Variants in USP34 observed in about 807,000 individuals in gnomAD.
The protein encoded by USP34 is ubiquitin specific peptidase 34, also known as ubiquitin carboxyl-terminal hydrolase 34.
Under a neutral mutation model 460.3 loss-of-function variants are expected in USP34, and 70 were observed. The ratio of observed to expected loss-of-function variants is 0.15; its 90% CI spans 0.13 to 0.19. USP34 has a LOEUF of 0.19. Ranked by LOEUF, USP34 falls within the 10% of genes least tolerant of loss-of-function variation. The probability of loss-of-function intolerance (pLI) is 1.00; values close to 1 mark genes in which losing one functional copy is unlikely to be tolerated. For missense variants in USP34, 3,985 were observed against 4,236.2 expected (o/e 0.94, Z 1.65); for synonymous variants, 1,647 against 1,405.3 (o/e 1.17, Z -3.85).
rs190610369 is a variant in USP34, at chr2:61,460,125, T to G, written c.43+10525A>C. Among the ~76,000 whole-genome samples, 3 of 152,272 alleles carry G rather than the reference T, an allele frequency of 2.0e-5. No homozygotes were observed. In the East Asian group the frequency reaches 5.8e-4, roughly 29 times the overall value. The stretch of plus-strand genomic sequence containing the variant: ...TTTTGAGCACCCACATATTACTTAG[T>G]TTCCAAGCTTATTAAGAAATTACAA... On this transcript the variant is annotated intron_variant, in intron 1 of 79. Coordinates refer to ENST00000398571, the MANE Select transcript of USP34 (RefSeq NM_014709.4).
rs1428351180 is a variant in USP34 at position 61,293,698 on chromosome 2, AAAT to A, written c.4462-151_4462-149del. 3.4e-5 allele frequency: 20 copies of A among 596,074 alleles called. No individual in the cohort carries two copies. In the Admixed American group the frequency reaches 5.6e-4, roughly 17 times the overall value. 36.9% of individuals were successfully genotyped at this position (596,074 alleles called of 1,614,324 possible). A position where few individuals can be genotyped will look rare whatever the true frequency, so the allele number is the denominator to read the frequency against. ...AAATTACCAAAATAATTTCTAGACA[AAAT>A]AATAAGATAAAGGCTACTTTCAAGA... On this transcript the variant is annotated intron_variant, in intron 32 of 79. Coordinates refer to ENST00000398571, the MANE Select transcript of USP34 (RefSeq NM_014709.4).
chr2:61,442,406 C>CAAAAAAAAAAAA (rs70963430), intron 1 of USP34, among the ~76,000 whole-genome samples: 1 of 121,442 alleles, frequency 8.2e-6, no homozygotes, highest in Non-Finnish European at 1.7e-5. Context: ...ATCTTAACAG[C>CAAAAAAAAAAAA]AAAAAAAAAA....
intron 15 of USP34, 96 bp downstream of exon 15, chr2:61,347,774 A>C: frequency 6.6e-7 from 1 of 1,517,184 alleles, no homozygotes; most frequent in Non-Finnish European, 8.8e-7. Flanking sequence ...CTACTAATGA[A>C]TAGCACTAAT....
chr2:61,194,381 G>T (rs555272715), intron 75 of USP34, among the ~76,000 whole-genome samples: 1 of 152,176 alleles, frequency 6.6e-6, no homozygotes, highest in African/African-American at 2.4e-5. Context: ...GAGTTCCTAC[G>T]TTCCCATGTT....
chr2:61,436,782 T>G (rs1027377239), intron 1 of USP34, among the ~76,000 whole-genome samples: 2 of 152,170 alleles, frequency 1.3e-5, no homozygotes, highest in African/African-American at 4.8e-5. Flanking sequence ...TGACCATATT[T>G]TAGGACATAA....
At chr2:61,289,082 G>T (rs926233079) in intron 33 of USP34, among the ~76,000 whole-genome samples, 2 of 151,706 alleles carry the variant, frequency 1.3e-5, no homozygotes, top group Non-Finnish European at 2.9e-5. Flanking sequence ...AAATAAAGAG[G>T]GTATACAAGA....
chr2:61,430,945 T>C (rs115000425), intron 1 of USP34, among the ~76,000 whole-genome samples: 447 of 152,070 alleles, frequency 2.9e-3, no homozygotes, highest in Non-Finnish European at 4.5e-3. Flanking sequence ...TTGAGGCTCA[T>C]AGTGAGCTAT....
At chr2:61,227,269 T>C in intron 61 of USP34, 51 bp from the exon 62 acceptor site, 1 of 1,549,010 alleles carries the variant, frequency 6.5e-7, no homozygotes, top group Admixed American at 2.0e-5. Flanking sequence ...TTAATATCAT[T>C]TTGAGAACAA....
At chr2:61,257,496 A>T (rs1013670335) in intron 44 of USP34, 146 bp from the exon 45 acceptor site, 2 of 565,050 alleles carry the variant, frequency 3.5e-6, no homozygotes, top group Non-Finnish European at 5.5e-6. Context: ...CTTTCTGTTT[A>T]GTTTTCATAG....
chr2:61,470,557 C>A (rs1695924644), intron 1 of USP34, 93 bp downstream of exon 1: 2 of 875,546 alleles, frequency 2.3e-6, no homozygotes, highest in East Asian at 3.2e-5. Flanking sequence ...CCGGCCGTCG[C>A]CTCCCGCAGG....
intron 35 of USP34, among the ~76,000 whole-genome samples, chr2:61,284,378 G>C (rs923619062): frequency 3.3e-5 from 5 of 152,088 alleles, no homozygotes; most frequent in African/African-American, 1.2e-4. Context: ...TATCATGAGA[G>C]AAAGGCTGAG....
At chr2:61,416,466 T>C (rs976182152) in intron 2 of USP34, among the ~76,000 whole-genome samples, 1 of 152,156 alleles carries the variant, frequency 6.6e-6, no homozygotes, top group Non-Finnish European at 1.5e-5. Context: ...AGTTGATAGG[T>C]AGGAGACAGC....
intron 75 of USP34, among the ~76,000 whole-genome samples, chr2:61,193,567 A>C (rs1431727817): frequency 6.6e-6 from 1 of 152,066 alleles, no homozygotes; most frequent in East Asian, 1.9e-4. Flanking sequence ...ACCTCTATGA[A>C]TTTACTTCTC....
In USP34 at chr2:61,223,043, T is replaced by A. The variant is rs776807607; in HGVS notation, c.7749+17A>T. ...TAAAATTTCCAAAAATCTTTAAGAC[T>A]GTTCCTTAGCACTTACATGTTCTGC... On this transcript the variant is annotated intron_variant, in intron 64 of 79. Coordinates refer to ENST00000398571, the MANE Select transcript of USP34 (RefSeq NM_014709.4). 6.3e-6 allele frequency: 10 copies of A among 1,597,560 alleles called. No homozygotes were observed. Among genetic ancestry groups the A allele is most frequent in the Non-Finnish European group, 8.5e-7 (1 of 1,170,170 alleles).
At chr2:61,389,707 A>G (rs946661540) in intron 5 of USP34, among the ~76,000 whole-genome samples, 1 of 152,182 alleles carries the variant, frequency 6.6e-6, no homozygotes, top group African/African-American at 2.4e-5. Flanking sequence ...CAAATTGCAT[A>G]TGCTATTAAT....
intron 41 of USP34, among the ~76,000 whole-genome samples, chr2:61,275,131 T>C (rs1227505321): frequency 2.6e-5 from 4 of 151,850 alleles, no homozygotes; most frequent in African/African-American, 9.7e-5. Flanking sequence ...TTTTAAAAAT[T>C]AGCCGGGTAT....
intron 20 of USP34, among the ~76,000 whole-genome samples, chr2:61,326,210 A>G (rs1691083618): frequency 6.6e-6 from 1 of 151,262 alleles, no homozygotes; most frequent in South Asian, 2.1e-4. Context: ...AAATTTGTGT[A>G]TTTGGGGCTG....
intron 1 of USP34, among the ~76,000 whole-genome samples, chr2:61,453,209 G>A (rs1419515831): frequency 8.6e-5 from 13 of 151,438 alleles, no homozygotes; most frequent in Admixed American, 2.6e-4. Context: ...CCATGAGTTC[G>A]AGACCAGCCT....
chr2:61,269,341 T>A (rs920310977), intron 41 of USP34, among the ~76,000 whole-genome samples: 1 of 151,306 alleles, frequency 6.6e-6, no homozygotes, highest in East Asian at 1.9e-4. Context: ...TTTTTTTTTT[T>A]TTTTAATAGA....
Sources: gnomAD v4.1 joint callset for allele counts (sites outside exome capture counted in the v4.1 genomes callset) on GRCh38, gnomAD v4.1.1 for gene constraint, MANE v1.5 for transcripts, NCBI Gene and HGNC (gene_info 2026-07-23, HGNC 2026-07-21) for gene names.